Variants in CTSD observed in about 807,000 individuals in gnomAD.
CTSD encodes the protein cathepsin D, also known as ceroid-lipofuscinosis, neuronal 10.
In CTSD, 28 loss-of-function variants were observed where a neutral mutation model predicts 43.6. The ratio of observed to expected loss-of-function variants is 0.64; its 90% CI spans 0.48 to 0.88. CTSD has a LOEUF of 0.88. Among genes scored for constraint, CTSD ranks in the 40% least tolerant of loss-of-function variants. CTSD has a pLI of 0.00. For missense variants in CTSD, 485 were observed against 555.2 expected, an observed-to-expected ratio of 0.87 and a Z score of 1.27; for synonymous variants, 270 against 249.8, an observed-to-expected ratio of 1.08 and a Z score of -0.76.
At chr11:1,754,528 G>GC (rs1845779677) in intron 6 of CTSD, among the ~76,000 whole-genome samples, 1 of 36,682 alleles carries the variant, frequency 2.7e-5, no homozygotes, top group Admixed American at 3.3e-4. Flanking sequence ...GGATGGAGGG[G>GC]ATGGAGGGAT....
intron 6 of CTSD, 84 bp from the exon 7 acceptor site, chr11:1,754,222 C>A (rs1283511182): frequency 4.0e-6 from 6 of 1,486,062 alleles, no homozygotes; most frequent in South Asian, 1.2e-5. Context: ...AGCCCCTCCC[C>A]TGGCTGGGCT....
chr11:1,754,409 A>AGAGAGGGAGGGAGGGGAGGGAGGGGG (rs1845772924), intron 6 of CTSD, among the ~76,000 whole-genome samples: 1 of 87,914 alleles, frequency 1.1e-5, no homozygotes, highest in Non-Finnish European at 2.6e-5. Flanking sequence ...GATGGAGGGG[A>AGAGAGGGAGGGAGGGGAGGGAGGGGG]TGAAGGGATG....
intron 1 of CTSD, chr11:1,762,891 G>C (rs1325501476): frequency 6.6e-6 from 1 of 152,374 alleles, no homozygotes; most frequent in East Asian, 1.9e-4. Flanking sequence ...GGCCCAGCCA[G>C]CTCCAGCCCC....
intron 8 of CTSD, 30 bp from the exon 9 acceptor site, chr11:1,753,700 G>A (rs938860583): frequency 6.2e-7 from 1 of 1,611,432 alleles, no homozygotes; most frequent in African/African-American, 1.3e-5. Flanking sequence ...CAGTACCCAG[G>A]CCTAGCACCA....
At chr11:1,754,310 CA>C in intron 6 of CTSD, 172 bp from the exon 7 acceptor site, 1 of 673,832 alleles carries the variant, frequency 1.5e-6, no homozygotes, top group Non-Finnish European at 2.5e-6. Flanking sequence ...AGAGGAGACA[CA>C]GAGTGGTAGA....
rs541352300 is a variant in CTSD at position 1,760,988 on chromosome 11, G to C, written c.228+321C>G. 589 of 412,838 alleles carry C rather than the reference G, an allele frequency of 1.4e-3. 10 individuals carry two copies. Among genetic ancestry groups the C allele is most frequent in the Middle Eastern group, 0.013 (17 of 1,306 alleles). The allele number at this position is 412,838 out of a possible 1,614,324, so 25.6% of individuals were successfully genotyped here. A position where few individuals can be genotyped will look rare whatever the true frequency, so the allele number is the denominator to read the frequency against. On this transcript the variant is annotated intron_variant, in intron 2 of 8. Coordinates refer to ENST00000236671, the MANE Select transcript of CTSD (RefSeq NM_001909.5). The stretch of plus-strand genomic sequence containing the variant: ...CCACAGGCCTCCCAGCAGGACAGCA[G>C]TGAAAGGCTCCAGGTCAGCCGGCCA...
chr11:1,754,198 T>A (rs745653205), intron 6 of CTSD, 60 bp from the exon 7 acceptor site: 1 of 1,566,564 alleles, frequency 6.4e-7, no homozygotes, highest in East Asian at 2.3e-5. Context: ...GGGGGCCCAG[T>A]GCCCCTCCCT....
At chr11:1,763,730 G>GC in intron 1 of CTSD, 62 bp downstream of exon 1, 1 of 1,435,178 alleles carries the variant, frequency 7.0e-7, no homozygotes, top group South Asian at 1.3e-5. Context: ...GTCACCACAG[G>GC]CCCCGGGACC....
chr11:1,761,945 C>T (rs1331447787), intron 1 of CTSD: 1 of 207,322 alleles, frequency 4.8e-6, no homozygotes, highest in Non-Finnish European at 1.0e-5. Context: ...GCTCTCCACC[C>T]CCAGACACCT....
At chr11:1,761,012 C>G in intron 2 of CTSD, 1 of 456,456 alleles carries the variant, frequency 2.2e-6, no homozygotes, top group South Asian at 2.1e-5. Context: ...GTCAGCCGGC[C>G]ACACTCAGGC....
chr11:1,753,557 A>T lies in CTSD; in HGVS notation c.1185T>A (p.Thr395=). The T allele has an allele frequency of 6.2e-7, 1 of 1,613,050 alleles. No individual in the cohort carries two copies. The highest frequency in any genetic ancestry group is 8.5e-7 in the Non-Finnish European group (1 of 1,179,912). The part of the protein sequence containing the change: ...LGDVFIGRYY[T]VFDRDNNRVG... ...CCCTGTTGTTGTCACGGTCAAACAC[A>T]GTGTAGTAGCGGCCGATGAAGACGT... The change falls in exon 9 of 9, where the codon ACT becomes ACA. Residue 395 remains threonine, a synonymous_variant. Transcript: ENST00000236671.
Position 1,758,985 on chromosome 11 carries a change from C to G in CTSD, c.455G>C (p.Ser152Thr), listed in dbSNP as rs1845841767. ...GGGACTCACCGACACAGTGTCCTGG[C>G]TCAGGTACCCGGAGAGGCTGCCCGA... ...YGSGSLSGYL[S>T]QDTVSVPCQS... The change falls in exon 4 of 9, where the codon AGC (serine) becomes ACC (threonine). Residue 152 changes from serine (S) to threonine (T), a missense_variant. Coordinates refer to ENST00000236671, the MANE Select transcript of CTSD (RefSeq NM_001909.5). 1 of 1,612,488 alleles carries G rather than the reference C, an allele frequency of 6.2e-7. No individual in the cohort carries two copies. Among genetic ancestry groups the G allele is most frequent in the African/African-American group, 1.3e-5 (1 of 74,900 alleles).
Position 1,761,473 on chromosome 11 carries a change from C to G in CTSD, c.69-5G>C. 6.2e-7 allele frequency: 1 copy of G among 1,613,782 alleles called. No homozygotes were observed. The highest frequency in any genetic ancestry group is 8.5e-7 in the Non-Finnish European group (1 of 1,179,990). ...GTGAACTTGTGCAGCGGGATCCTGT[C>G]AACCACGGGTCGGGGCATATCAGGG... On this transcript the variant is annotated splice_region_variant and splice_polypyrimidine_tract_variant and intron_variant, in intron 1 of 8. Transcript: ENST00000236671.
intron 2 of CTSD, 119 bp from the exon 3 acceptor site, chr11:1,759,758 GC>G (rs142590411): frequency 9.1e-7 from 1 of 1,098,310 alleles, no homozygotes; most frequent in Non-Finnish European, 1.3e-6. Context: ...GCATCACGGG[GC>G]CCACAGCTGC....
At chr11:1,757,978 C>T (rs954535905) in intron 4 of CTSD, 1 of 284,146 alleles carries the variant, frequency 3.5e-6, no homozygotes, top group Non-Finnish European at 6.9e-6. Context: ...CATACTGCCC[C>T]CTTCCCCTTC....
intron 6 of CTSD, chr11:1,754,386 G>GAGGGATGGAGGGGATGGAGGGGATGA (rs1185802560): frequency 4.9e-5 from 28 of 566,700 alleles, no homozygotes; most frequent in Admixed American, 4.0e-4. Flanking sequence ...GAGGGGCATA[G>GAGGGATGGAGGGGATGGAGGGGATGA]AGGGATGGAG....
chr11:1,758,571 T>C (rs1406378163), intron 4 of CTSD, among the ~76,000 whole-genome samples: 1 of 151,636 alleles, frequency 6.6e-6, no homozygotes, highest in African/African-American at 2.4e-5. Context: ...CCACAGCGGG[T>C]TCCTGGTACA....
rs565656268 is a variant in CTSD, at chr11:1,754,887, G to A, written c.827+19C>T. 60 of 1,613,456 alleles carry A rather than the reference G, an allele frequency of 3.7e-5. No individual in the cohort carries two copies. The South Asian group carries it at 4.0e-4, about 11-fold the overall frequency. ...CCCGCCCACAGAACCCAGGGGAGCC[G>A]ACTGCAGCCACTACTCACTGGTCCA... On this transcript the variant is annotated intron_variant, in intron 6 of 8. Coordinates refer to ENST00000236671, the MANE Select transcript of CTSD (RefSeq NM_001909.5).
chr11:1,754,624 CATGGAGGG>C (rs1845786379), intron 6 of CTSD, among the ~76,000 whole-genome samples: 1 of 100,186 alleles, frequency 1.0e-5, no homozygotes, highest in East Asian at 3.3e-4. Flanking sequence ...GGATGGAGGG[CATGGAGGG>C]ATGGACAGAA....
Sources: allele counts gnomAD v4.1 joint callset (sites outside exome capture counted in the v4.1 genomes callset), GRCh38; gene constraint gnomAD v4.1.1; transcripts MANE v1.5; gene names NCBI Gene and HGNC (gene_info 2026-07-23, HGNC 2026-07-21).